CCDC38: variants seen among roughly 807,000 people sequenced by gnomAD.
CCDC38 encodes the protein coiled-coil domain-containing protein 38.
A neutral mutation model predicts 72.8 loss-of-function variants in CCDC38; 69 were observed. The ratio of observed to expected loss-of-function variants is 0.95; its 90% confidence interval spans 0.78 to 1.16. CCDC38 has a LOEUF of 1.16. Among genes scored for constraint, CCDC38 ranks in the 50% most tolerant of loss-of-function variants. CCDC38 has a pLI of 0.00. For synonymous variants in CCDC38, 201 were observed against 213.2 expected, an observed-to-expected ratio of 0.94 and a Z score of 0.50; for missense variants, 626 against 638.9, an observed-to-expected ratio of 0.98 and a Z score of 0.22.
At chr12:95,937,582 G>A (rs948383142) in intron 1 of CCDC38, among the ~76,000 whole-genome samples, 1 of 152,096 alleles carries the variant, frequency 6.6e-6, no homozygotes, top group African/African-American at 2.4e-5. Context: ...TTAAAAATGT[G>A]CCCGCAGCAG....
rs1268105795 is a variant in CCDC38, at chr12:95,898,599, T to C, written c.502A>G (p.Asn168Asp). 6.2e-7 allele frequency: 1 copy of C among 1,614,162 alleles called. No homozygotes were observed. Among genetic ancestry groups the C allele is most frequent in the Admixed American group, 1.7e-5 (1 of 60,020 alleles). Residue 168 changes from asparagine to aspartate, a missense_variant, in exon 6 of 16, where the codon AAT (asparagine) becomes GAT (aspartate). Transcript: ENST00000344280. ...ALAFEEFLRE[N>D]DQRSVDALKM... Reference sequence around the variant, plus strand: ...AGAGCGTCTACAGATCTCTGGTCATTTTCTCGAAGGAACTCTTCAAAGGCC... The same window carrying C: ...AGAGCGTCTACAGATCTCTGGTCATCTTCTCGAAGGAACTCTTCAAAGGCC...
intron 13 of CCDC38, among the ~76,000 whole-genome samples, chr12:95,872,826 C>T (rs971496665): frequency 5.9e-5 from 9 of 152,204 alleles, no homozygotes; most frequent in Non-Finnish European, 1.2e-4. Context: ...CGAGCTGCCT[C>T]GGCCACAGGC....
intron 2 of CCDC38, among the ~76,000 whole-genome samples, chr12:95,929,311 A>G (rs1218615448): frequency 3.3e-5 from 5 of 152,034 alleles, no homozygotes; most frequent in African/African-American, 7.2e-5. Context: ...TCGAGGTGCC[A>G]TCTGTCACCC....
At chr12:95,916,871 A>C (rs1453647084) in intron 4 of CCDC38, among the ~76,000 whole-genome samples, 1 of 152,114 alleles carries the variant, frequency 6.6e-6, no homozygotes, top group Non-Finnish European at 1.5e-5. Context: ...GCTTTTGCAA[A>C]CTTTAATACT....
In CCDC38 at chr12:95,879,690, T is replaced by A. The variant is rs372305165; in HGVS notation, c.1096A>T (p.Asn366Tyr). 1.9e-6 allele frequency: 3 copies of A among 1,606,156 alleles called. No individual in the cohort carries two copies. The African/African-American group carries it at 4.0e-5, about 21-fold the overall frequency. The change falls in exon 12 of 16, where the codon AAT becomes TAT. Residue 366 changes from asparagine (N) to tyrosine (Y), a missense_variant. Physicochemically the swap from Asn to Tyr is moderately radical, Grantham distance 143 (BLOSUM62 -2). Transcript: ENST00000344280. The surrounding 1 kb of genome is among the most constrained non-coding windows in gnomAD (Gnocchi z 5.5). Reference protein sequence around the residue: ...LFQYSQDVDENLEEVNKREKV... With the variant: ...LFQYSQDVDEYLEEVNKREKV... ...TCTCTTTTGTTTACCTCTTCAAGAT[T>A]TTCATCTACATCTTGGGAATATTGA...
At chr12:95,919,431 T>C in intron 2 of CCDC38, 1 of 431,628 alleles carries the variant, frequency 2.3e-6, no homozygotes. Context: ...GGTTTTAATT[T>C]TGTCTACCTA....
Position 95,867,099 on chromosome 12 carries a change from CTT to C in CCDC38, c.1667_1668del (p.Gln556ArgfsTer?). ...PLVNETKTKSQEEEYFFT is the reference protein window; with the variant it reads ...PLVNETKTKSXEEEYFFT ...ATTCAAGTAAAAAAATATTCTTCCT[CTT>C]GTGATTTTGTTTTTGTTTCATTGAC... On this transcript the variant is annotated frameshift_variant, in exon 16 of 16. Transcript: ENST00000344280. LOFTEE classifies it high-confidence loss of function. 6.3e-7 allele frequency: 1 copy of C among 1,592,776 alleles called. No individual in the cohort carries two copies. Among genetic ancestry groups the C allele is most frequent in the Non-Finnish European group, 8.6e-7 (1 of 1,163,218 alleles).
chr12:95,939,337 G>A (rs11108347), intron 1 of CCDC38, among the ~76,000 whole-genome samples: 7,780 of 152,218 alleles, frequency 0.051, 660 homozygotes, highest in African/African-American at 0.18. Context: ...GGCCCTGGAG[G>A]CCATTTTCTC....
In CCDC38 at chr12:95,898,370, T is replaced by C. The variant is rs1292049621; in HGVS notation, c.614+15A>G. On this transcript the variant is annotated intron_variant, in intron 7 of 15. Coordinates refer to ENST00000344280, the MANE Select transcript of CCDC38 (RefSeq NM_182496.3). ...CGTGGAAATTTGGCCACGAGAAGAT[T>C]GTGCCCACCCTCACCTTTTCACTGC... 2 of 1,613,628 alleles carry C rather than the reference T, an allele frequency of 1.2e-6. No individual in the cohort carries two copies. The highest frequency in any genetic ancestry group is 1.7e-4 in the Middle Eastern group (1 of 6,060).
intron 7 of CCDC38, 65 bp downstream of exon 7, chr12:95,898,320 C>T (rs2079912936): frequency 2.8e-6 from 4 of 1,453,386 alleles, no homozygotes; most frequent in East Asian, 4.5e-5. Flanking sequence ...TAGGTCTTAC[C>T]TGGCATGAAT....
intron 13 of CCDC38, among the ~76,000 whole-genome samples, chr12:95,874,135 AAG>A (rs1429074127): frequency 6.6e-6 from 1 of 151,760 alleles, no homozygotes; most frequent in Non-Finnish European, 1.5e-5. Context: ...AAAAATATAA[AAG>A]AAAATAAAAG....
At chr12:95,908,890 A>G (rs1331125569) in intron 4 of CCDC38, among the ~76,000 whole-genome samples, 1 of 152,084 alleles carries the variant, frequency 6.6e-6, no homozygotes, top group Non-Finnish European at 1.5e-5. Flanking sequence ...AGAAAATACC[A>G]AATGTTTCTT....
chr12:95,916,386 T>TTCCC (rs1236342821), intron 4 of CCDC38, among the ~76,000 whole-genome samples: 138 of 144,934 alleles, frequency 9.5e-4, no homozygotes, highest in African/African-American at 3.8e-3. Context: ...CCTGCCTTCC[T>TTCCC]TCCTTCCTTC....
chr12:95,892,081 CTTTTTTTTTTT>C (rs67478657), intron 8 of CCDC38, among the ~76,000 whole-genome samples: 3 of 97,974 alleles, frequency 3.1e-5, no homozygotes, highest in African/African-American at 4.6e-5. Flanking sequence ...GATCACTCTG[CTTTTTTTTTTT>C]TTTTTTTTTT....
intron 2 of CCDC38, among the ~76,000 whole-genome samples, chr12:95,927,095 C>T (rs1420204419): frequency 6.6e-6 from 1 of 151,986 alleles, no homozygotes; most frequent in Non-Finnish European, 1.5e-5. Flanking sequence ...CCTGGGTATG[C>T]TTGTTGACTT....
intron 4 of CCDC38, among the ~76,000 whole-genome samples, chr12:95,912,518 C>G (rs2080105089): frequency 6.6e-6 from 1 of 152,116 alleles, no homozygotes; most frequent in Non-Finnish European, 1.5e-5. Context: ...TACAGCTAGA[C>G]AGCAGGAAAA....
At chr12:95,869,459 T>A (rs781048914) in intron 15 of CCDC38, 21 bp downstream of exon 15, 1 of 1,575,390 alleles carries the variant, frequency 6.3e-7, no homozygotes. Context: ...TATGGCTGGA[T>A]CTATTAATAG....
In CCDC38 at chr12:95,878,233, C is replaced by T. The variant is rs1284624301; in HGVS notation, c.1256G>A (p.Gly419Glu). Residue 419 changes from glycine to glutamate, a missense_variant, in exon 13 of 16, where the codon GGA becomes GAA. By Grantham distance (98) the Gly-to-Glu change is moderately conservative. Transcript: ENST00000344280. ...TACCTGAGCATCTGAATTAAATTCT[C>T]CAAAGCTAAAGAGCTTGGACTTTAA... ...LQLKSKLFSF[G>E]EFNSDAQEIL... 1 of 1,613,416 alleles carries T rather than the reference C, an allele frequency of 6.2e-7. No homozygotes were observed. Among genetic ancestry groups the T allele is most frequent in the East Asian group, 2.2e-5 (1 of 44,810 alleles).
At chr12:95,869,669 C>T in intron 14 of CCDC38, 96 bp from the exon 15 acceptor site, 1 of 848,052 alleles carries the variant, frequency 1.2e-6, no homozygotes, top group South Asian at 1.5e-5. Context: ...GACTAGAAGA[C>T]CTCCTTTAAA....
Sources: gnomAD v4.1 joint callset for allele counts (sites outside exome capture counted in the v4.1 genomes callset) on GRCh38, gnomAD v4.1.1 for gene constraint, Gnocchi (gnomAD v3.1) non-coding constraint, MANE v1.5 for transcripts, NCBI Gene and HGNC (gene_info 2026-07-23, HGNC 2026-07-21) for gene names.